Variants in AFF1 observed in about 807,000 individuals in gnomAD.
AFF1 encodes the protein ALF transcription elongation factor 1.
Under a neutral mutation model 121.7 loss-of-function variants are expected in AFF1, and 48 were observed. The observed-to-expected ratio is 0.39, with a 90% CI of 0.31 to 0.50. AFF1 has a LOEUF of 0.50. Ranked by LOEUF, AFF1 falls within the 20% of genes least tolerant of loss-of-function variation. AFF1 has a pLI of 0.76. For synonymous variants in AFF1, 613 were observed against 563.0 expected (o/e 1.09, Z -1.26); for missense variants, 1,523 against 1,511.7 (o/e 1.01, Z -0.12).
At chr4:87,118,450 A>G (rs1727342632) in intron 12 of AFF1, among the ~76,000 whole-genome samples, 1 of 152,198 alleles carries the variant, frequency 6.6e-6, no homozygotes. Flanking sequence ...TACAGTTTAG[A>G]TTTTCTAATA....
intron 2 of AFF1, among the ~76,000 whole-genome samples, chr4:87,018,015 T>C (rs902327909): frequency 6.6e-6 from 1 of 152,224 alleles, no homozygotes; most frequent in Non-Finnish European, 1.5e-5. Context: ...CAAGTGTTCT[T>C]TCAACTTGGA....
intron 2 of AFF1, among the ~76,000 whole-genome samples, chr4:87,034,467 A>G (rs961090885): frequency 2.6e-5 from 4 of 152,220 alleles, no homozygotes; most frequent in Admixed American, 6.5e-5. Context: ...TGATGTATTT[A>G]TAGCAGCATG....
intron 2 of AFF1, among the ~76,000 whole-genome samples, chr4:87,022,584 C>CTA (rs1480042253): frequency 1.3e-4 from 15 of 112,440 alleles, no homozygotes; most frequent in African/African-American, 4.4e-4. Flanking sequence ...ATATATATAT[C>CTA]TATCTATATC....
intron 11 of AFF1, among the ~76,000 whole-genome samples, chr4:87,109,030 G>A (rs531812556): frequency 3.9e-5 from 6 of 152,286 alleles, no homozygotes; most frequent in Admixed American, 1.3e-4. Flanking sequence ...CATCTAACAG[G>A]GTTGCCAAAT....
chr4:86,969,878 T>TGAAAAAAAAAAAAAAAAAA (rs1255935904), intron 2 of AFF1, among the ~76,000 whole-genome samples: 1 of 5,422 alleles, frequency 1.8e-4, no homozygotes, highest in Non-Finnish European at 8.9e-4. Flanking sequence ...AGACTCCGTC[T>TGAAAAAAAAAAAAAAAAAA]CAAAAAAAAA....
Position 87,084,126 on chromosome 4 carries a change from T to A in AFF1, c.1066T>A (p.Tyr356Asn). 6.2e-7 allele frequency: 1 copy of A among 1,613,918 alleles called. No individual in the cohort carries two copies. The highest frequency in any genetic ancestry group is 1.1e-5 in the South Asian group (1 of 91,084). Residue 356 changes from tyrosine to asparagine, a missense_variant, in exon 5 of 21, where the codon TAC becomes AAC. Physicochemically the swap from Tyr to Asn is moderately radical, Grantham distance 143. This residue lies in a region of AFF1 where 905 missense variants were observed against 842.5 expected (regional missense o/e 1.07). Coordinates refer to ENST00000395146, the MANE Select transcript of AFF1 (RefSeq NM_001166693.3). The stretch of plus-strand genomic sequence containing the variant: ...TTTTGCTTTTCACTTTCAGCAGACC[T>A]ACTCCAATGAAGTCCATTGTGTTGA... ...KMPSQSVEQT[Y>N]SNEVHCVEEI...
chr4:87,001,759 T>C (rs1437706511), intron 2 of AFF1, among the ~76,000 whole-genome samples: 1 of 152,212 alleles, frequency 6.6e-6, no homozygotes, highest in East Asian at 1.9e-4. Context: ...TTTCCAGTGG[T>C]GCTCATTAGC....
Position 86,948,490 on chromosome 4 carries a change from T to A in AFF1, c.-36-8T>A. The stretch of plus-strand genomic sequence containing the variant: ...ATGTTCACAGGCTACTCTTTGTTTC[T>A]CTTTCAGATGAACAGACTAGCCACT... On this transcript the variant is annotated splice_polypyrimidine_tract_variant and splice_region_variant and intron_variant, in intron 1 of 20. Coordinates refer to ENST00000395146, the MANE Select transcript of AFF1 (RefSeq NM_001166693.3). 1.3e-6 allele frequency: 2 copies of A among 1,530,054 alleles called. No homozygotes were observed. Among genetic ancestry groups the A allele is most frequent in the Non-Finnish European group, 1.8e-6 (2 of 1,141,134 alleles). 94.8% of individuals were successfully genotyped at this position (1,530,054 alleles called of 1,614,324 possible). A position where few individuals can be genotyped will look rare whatever the true frequency, so the allele number is the denominator to read the frequency against.
At position 87,136,471 on chromosome 4, in the gene AFF1, G is replaced by A. The variant is rs1196702973; in HGVS notation, c.*770G>A. On this transcript the variant is annotated 3_prime_UTR_variant, in exon 21 of 21. Transcript: ENST00000395146. ...CACATGGGGTGCCACCTCGAGGTCT[G>A]CACAGGAGGACTTGGCGCTGCCATT... The A allele has an allele frequency of 1.7e-5, 4 of 232,360 alleles. No individual in the cohort carries two copies. In the East Asian group the frequency reaches 2.4e-4, roughly 14 times the overall value. The allele number at this position is 232,360 out of a possible 1,614,324, so 14.4% of individuals were successfully genotyped here. A position where few individuals can be genotyped will look rare whatever the true frequency, so the allele number is the denominator to read the frequency against.
At chr4:87,106,817 A>G (rs1258775531) in intron 10 of AFF1, among the ~76,000 whole-genome samples, 1 of 152,226 alleles carries the variant, frequency 6.6e-6, no homozygotes, top group South Asian at 2.1e-4. Flanking sequence ...AATCTTGTCC[A>G]TTATGCAGGG....
At chr4:86,950,112 G>A in intron 2 of AFF1, 1 of 1,612,534 alleles carries the variant, frequency 6.2e-7, no homozygotes, top group South Asian at 1.1e-5. Context: ...TTCTGAAAGG[G>A]AGCAGGGCAG....
At chr4:87,134,929 T>G (rs756370357) in intron 20 of AFF1, among the ~76,000 whole-genome samples, 12 of 152,204 alleles carry the variant, frequency 7.9e-5, no homozygotes, top group Non-Finnish European at 1.8e-4. Context: ...TACAAGTGGC[T>G]TTAGCGCCTT....
chr4:86,965,575 G>C (rs1174068980), intron 2 of AFF1, among the ~76,000 whole-genome samples: 1 of 152,150 alleles, frequency 6.6e-6, no homozygotes, highest in Non-Finnish European at 1.5e-5. Context: ...AGTATTGTCT[G>C]TATTTTGAAG....
At chr4:87,102,415 T>C (rs550326180) in intron 8 of AFF1, among the ~76,000 whole-genome samples, 2 of 152,352 alleles carry the variant, frequency 1.3e-5, no homozygotes, top group African/African-American at 4.8e-5. Context: ...TTCTGGAATT[T>C]AGATTTAATT....
chr4:87,031,998 G>T (rs994211217), intron 2 of AFF1, among the ~76,000 whole-genome samples: 3 of 152,186 alleles, frequency 2.0e-5, no homozygotes, highest in Non-Finnish European at 4.4e-5. Context: ...GGTAGTGATG[G>T]TGAAAAGATG....
At chr4:86,959,323 T>TCTACA (rs1284825692) in intron 2 of AFF1, among the ~76,000 whole-genome samples, 1 of 152,210 alleles carries the variant, frequency 6.6e-6, no homozygotes, top group African/African-American at 2.4e-5. Context: ...ATATGTGAGC[T>TCTACA]CTACACTTTA....
chr4:86,944,300 C>T (rs546782016), intron 1 of AFF1, among the ~76,000 whole-genome samples: 5 of 152,112 alleles, frequency 3.3e-5, no homozygotes, highest in South Asian at 4.1e-4. Flanking sequence ...ATTATGTCCC[C>T]GACGACAATC....
chr4:87,096,955 T>G (rs1724931739), intron 8 of AFF1, among the ~76,000 whole-genome samples: 1 of 152,158 alleles, frequency 6.6e-6, no homozygotes. Flanking sequence ...GACTGTAGAC[T>G]CACTGACATG....
rs577034859 is a variant in AFF1 at position 86,987,038 on chromosome 4, T to C, written c.38+38467T>C. On this transcript the variant is annotated intron_variant, in intron 2 of 20. Transcript: ENST00000395146. Reference sequence around the variant, plus strand: ...ATATTATTTTTTGTAGAGATGGGGGTCTTGCTATGTTGCCCAGGCTGGTCT... The same window carrying C: ...ATATTATTTTTTGTAGAGATGGGGGCCTTGCTATGTTGCCCAGGCTGGTCT... Among the ~76,000 whole-genome samples the C allele has an allele frequency of 1.1e-4, 17 of 151,674 alleles. No homozygotes were observed. The South Asian group carries it at 3.5e-3, about 32-fold the overall frequency.
Sources: gnomAD v4.1 joint callset for allele counts (sites outside exome capture counted in the v4.1 genomes callset) on GRCh38, gnomAD v4.1.1 for gene constraint, gnomAD v4.1.1 regional missense constraint, MANE v1.5 for transcripts, NCBI Gene and HGNC (gene_info 2026-07-23, HGNC 2026-07-21) for gene names.